PARVB: variants seen among roughly 807,000 people sequenced by gnomAD.
PARVB encodes beta-parvin.
PARVB carries 46 observed loss-of-function variants against 47.0 expected under a neutral mutation model. The observed-to-expected ratio is 0.98, with a 90% confidence interval of 0.77 to 1.25. The LOEUF is 1.25. Ranked by LOEUF, PARVB falls within the 50% of genes most tolerant of loss-of-function variation. PARVB has a pLI of 0.00. For synonymous variants in PARVB, 196 were observed against 196.3 expected (o/e 1.00, Z 0.01); for missense variants, 473 against 471.6 (o/e 1.00, Z -0.03).
intron 3 of PARVB, among the ~76,000 whole-genome samples, chr22:44,101,008 T>C (rs923071714): frequency 2.0e-5 from 3 of 152,224 alleles, no homozygotes; most frequent in Non-Finnish European, 4.4e-5. Flanking sequence ...TTTAAAAAGC[T>C]TCTCCACCTT....
At chr22:44,052,760 T>C (rs1601530962) in intron 1 of PARVB, among the ~76,000 whole-genome samples, 1 of 152,008 alleles carries the variant, frequency 6.6e-6, no homozygotes, top group Non-Finnish European at 1.5e-5. Context: ...CTGAGCAACA[T>C]AGCAAGACCC....
At chr22:44,119,244 G>A in intron 4 of PARVB, 104 bp downstream of exon 4, 1 of 813,516 alleles carries the variant, frequency 1.2e-6, no homozygotes, top group Non-Finnish European at 2.1e-6. Flanking sequence ...CAGGTCCTAG[G>A]AAGACACTCA....
chr22:44,008,972 G>A (rs1200360696), intron 2 of PARVB, among the ~76,000 whole-genome samples: 1 of 152,140 alleles, frequency 6.6e-6, no homozygotes, highest in Non-Finnish European at 1.5e-5. Context: ...CTGGGCGACA[G>A]AACGAGACTC....
chr22:44,023,138 G>T (rs1308285249), upstream of PARVB, among the ~76,000 whole-genome samples: 1 of 152,166 alleles, frequency 6.6e-6, no homozygotes, highest in Non-Finnish European at 1.5e-5. Context: ...CCGCCTGCCT[G>T]TGCCTTCTCT....
intron 10 of PARVB, among the ~76,000 whole-genome samples, chr22:44,153,998 A>G (rs1285561107): frequency 2.0e-5 from 3 of 152,162 alleles, no homozygotes; most frequent in Non-Finnish European, 4.4e-5. Context: ...CCTGCACCGC[A>G]CACTTTGAAG....
At position 44,042,147 on chromosome 22, in the gene PARVB, C is replaced by T. The variant is rs1015985694; in HGVS notation, c.112+17696C>T. Among the ~76,000 whole-genome samples, 81 of 152,194 alleles carry T rather than the reference C, an allele frequency of 5.3e-4. 1 individual carries two copies. Among genetic ancestry groups the T allele is most frequent in the African/African-American group, 1.8e-3 (75 of 41,516 alleles). On this transcript the variant is annotated intron_variant, in intron 1 of 12. Transcript: ENST00000338758. ...TTCACTTAAGAAAATCTAGGCTGGG[C>T]GCGGTGGCTCATGCCTGTAATCCCA...
At chr22:44,054,689 C>T (rs2051271471) in intron 1 of PARVB, among the ~76,000 whole-genome samples, 1 of 152,108 alleles carries the variant, frequency 6.6e-6, no homozygotes, top group South Asian at 2.1e-4. Flanking sequence ...GAACCGTACA[C>T]TTAAAAATGG....
intron 2 of PARVB, among the ~76,000 whole-genome samples, chr22:44,015,693 C>T (rs983855511): frequency 1.1e-4 from 17 of 152,170 alleles, no homozygotes; most frequent in African/African-American, 4.1e-4. Flanking sequence ...ATGATGCACA[C>T]CTGTAGTCCC....
chr22:44,093,547 A>AG (rs1453484131), intron 1 of PARVB, among the ~76,000 whole-genome samples: 1 of 152,180 alleles, frequency 6.6e-6, no homozygotes, highest in African/African-American at 2.4e-5. Flanking sequence ...CCCCCGGCAG[A>AG]GGGAAGGCAG....
chr22:44,026,759 A>G (rs1362140035), intron 1 of PARVB, among the ~76,000 whole-genome samples: 1 of 150,056 alleles, frequency 6.7e-6, no homozygotes, highest in African/African-American at 2.5e-5. Flanking sequence ...CTCCTTTGTT[A>G]GAAAGTTGAG....
chr22:44,006,251 C>T (rs1334701703), intron 2 of PARVB, among the ~76,000 whole-genome samples: 2 of 151,982 alleles, frequency 1.3e-5, no homozygotes, highest in East Asian at 3.9e-4. Context: ...ACACCAGGCC[C>T]ATGGAATGCT....
intron 1 of PARVB, among the ~76,000 whole-genome samples, chr22:44,091,493 C>T (rs989731035): frequency 1.3e-5 from 2 of 152,046 alleles, no homozygotes; most frequent in East Asian, 1.9e-4. Context: ...CTACTTCCCC[C>T]GCCCCTGGCA....
rs993025838 is a variant in PARVB, at chr22:44,169,553, T to C, written c.*875T>C. ...GGTGCATTGGTTCACTGGCACTGTG[T>C]AGTAAAGTGCCACAGGGGAGTGGCT... On this transcript the variant is annotated 3_prime_UTR_variant, in exon 13 of 13. Transcript: ENST00000338758. The C allele has an allele frequency of 2.7e-5, 4 of 150,240 alleles. No homozygotes were observed. The East Asian group carries it at 7.7e-4, about 29-fold the overall frequency. The allele number at this position is 150,240 out of a possible 1,614,324, so 9.3% of individuals were successfully genotyped here. A position where few individuals can be genotyped will look rare whatever the true frequency, so the allele number is the denominator to read the frequency against.
chr22:44,066,130 A>G (rs1419985617), intron 1 of PARVB, among the ~76,000 whole-genome samples: 3 of 152,212 alleles, frequency 2.0e-5, no homozygotes, highest in Non-Finnish European at 4.4e-5. Flanking sequence ...CCTACTGTGT[A>G]CCAGGTGGGT....
Position 44,049,231 on chromosome 22 carries a change from C to T in PARVB, c.112+24780C>T, listed in dbSNP as rs898572761. On this transcript the variant is annotated intron_variant, in intron 1 of 12. Transcript: ENST00000338758. This position sits in a 1 kb window ranked among gnomAD's most constrained non-coding sequence, Gnocchi z 4.0. ...ATGCACCTCTCACTGAAGACATCTC[C>T]GGGTGGAAATGTTCTGAGAGCTGCT... 4.6e-5 allele frequency among the ~76,000 whole-genome samples: 7 copies of T among 152,154 alleles called. No individual in the cohort carries two copies. Among genetic ancestry groups the T allele is most frequent in the South Asian group, 4.1e-4 (2 of 4,826 alleles).
chr22:44,093,367 CTCTT>C (rs1455073981), intron 1 of PARVB, among the ~76,000 whole-genome samples: 1 of 152,206 alleles, frequency 6.6e-6, no homozygotes, highest in Non-Finnish European at 1.5e-5. Flanking sequence ...GCCTCTGGCT[CTCTT>C]TATTAGATTC....
intron 4 of PARVB, among the ~76,000 whole-genome samples, chr22:44,124,485 C>T (rs1240351305): frequency 2.0e-5 from 3 of 152,166 alleles, no homozygotes; most frequent in Non-Finnish European, 4.4e-5. Flanking sequence ...GAAGGGTCTC[C>T]CCATGGGCTG....
intron 12 of PARVB, among the ~76,000 whole-genome samples, chr22:44,166,158 G>A (rs909777138): frequency 3.3e-5 from 5 of 152,186 alleles, no homozygotes; most frequent in African/African-American, 1.2e-4. Flanking sequence ...CACCCAGGCT[G>A]GAGTGCAGTG....
In PARVB at chr22:44,016,556, A is replaced by G. The variant is rs545637719; in HGVS notation, c.211+16883A>G. ...CATCCTATCCAAGTGTAAACATGAA[A>G]TTCGCTTATGTTTCATATACACCTT... is the stretch of plus-strand genomic sequence containing the variant. On this transcript the variant is annotated intron_variant, in intron 2 of 13. Coordinates refer to the PARVB transcript ENST00000406477. Among the ~76,000 whole-genome samples, 23 of 152,328 alleles carry G rather than the reference A, an allele frequency of 1.5e-4. No homozygotes were observed. In the South Asian group the frequency reaches 4.8e-3, roughly 32 times the overall value.
Sources: gnomAD v4.1 joint callset for allele counts (sites outside exome capture counted in the v4.1 genomes callset) on GRCh38, gnomAD v4.1.1 for gene constraint, Gnocchi (gnomAD v3.1) non-coding constraint, MANE v1.5 for transcripts, NCBI Gene and HGNC (gene_info 2026-07-23, HGNC 2026-07-21) for gene names.